PHACTR1: variants seen among roughly 807,000 people sequenced by gnomAD.
The protein encoded by PHACTR1 is phosphatase and actin regulator 1.
A neutral mutation model predicts 69.2 loss-of-function variants in PHACTR1; 16 were observed. The observed-to-expected ratio is 0.23, with a 90% CI of 0.16 to 0.35. The LOEUF (loss-of-function observed/expected upper bound fraction) is 0.35. Ranked by LOEUF, PHACTR1 falls within the 10% of genes least tolerant of loss-of-function variation. The pLI is 1.00. For missense variants in PHACTR1, 510 were observed against 734.7 expected (o/e 0.69, Z 3.54); for synonymous variants, 312 against 284.5 (o/e 1.10, Z -0.97).
intron 8 of PHACTR1, among the ~76,000 whole-genome samples, chr6:13,218,762 T>C (rs1188142093): frequency 1.4e-5 from 2 of 147,172 alleles, no homozygotes; most frequent in Middle Eastern, 3.2e-3. Context: ...AAGGTTGCAA[T>C]GAGCTATTTA....
At chr6:12,862,190 A>G (rs1280043015) in intron 4 of PHACTR1, among the ~76,000 whole-genome samples, 1 of 152,228 alleles carries the variant, frequency 6.6e-6, no homozygotes, top group East Asian at 1.9e-4. Flanking sequence ...GGCTGACTGT[A>G]AAGCAGCCAA....
intron 4 of PHACTR1, among the ~76,000 whole-genome samples, chr6:12,970,037 T>C (rs1793996802): frequency 6.6e-6 from 1 of 152,200 alleles, no homozygotes; most frequent in East Asian, 1.9e-4. Context: ...GTCTCTAGCA[T>C]AAAATAAATG....
rs967656056 is a variant in PHACTR1, at chr6:13,272,702, TGAG to T, written c.1392-153_1392-151del. The T allele has an allele frequency of 2.6e-5, 41 of 1,570,642 alleles. No homozygotes were observed. In the African/African-American group the frequency reaches 3.1e-4, roughly 12 times the overall value. On this transcript the variant is annotated intron_variant, in intron 10 of 14. Transcript: ENST00000332995. The stretch of plus-strand genomic sequence containing the variant: ...TCTCCTGGGCTTGAAATTGAGGAAC[TGAG>T]GAGGCGGTGGTGGCGAGAGTCAGTC...
chr6:12,733,022 A>T (rs1397050856), intron 3 of PHACTR1, among the ~76,000 whole-genome samples: 1 of 152,210 alleles, frequency 6.6e-6, no homozygotes, highest in Admixed American at 6.5e-5. Flanking sequence ...ATATCTATGT[A>T]ATCTATATTG....
chr6:12,935,629 G>A (rs1274149910), intron 4 of PHACTR1, among the ~76,000 whole-genome samples: 2 of 84,944 alleles, frequency 2.4e-5, no homozygotes, highest in Non-Finnish European at 6.7e-5. Flanking sequence ...GTATGCCCAC[G>A]TGTGTGTGTG....
chr6:12,730,983 CTTTTTTATTTAT>C (rs2031868929), intron 3 of PHACTR1, among the ~76,000 whole-genome samples: 1 of 122,026 alleles, frequency 8.2e-6, no homozygotes, highest in Non-Finnish European at 1.8e-5. Flanking sequence ...AGAATATTAC[CTTTTTTATTTAT>C]TTATTTATTT....
intron 6 of PHACTR1, among the ~76,000 whole-genome samples, chr6:13,165,903 C>G (rs933766470): frequency 6.6e-6 from 1 of 152,156 alleles, no homozygotes; most frequent in Non-Finnish European, 1.5e-5. Flanking sequence ...CCCTGTAAAT[C>G]AGAGCCTGTC....
intron 4 of PHACTR1, among the ~76,000 whole-genome samples, chr6:13,037,651 C>T (rs1441669456): frequency 6.6e-6 from 1 of 152,106 alleles, no homozygotes; most frequent in African/African-American, 2.4e-5. Context: ...ACATGTCCTT[C>T]TAAGCTGATG....
chr6:13,231,288 A>G (rs370530081), intron 10 of PHACTR1, among the ~76,000 whole-genome samples: 2 of 56,666 alleles, frequency 3.5e-5, no homozygotes, highest in African/African-American at 6.4e-5. Context: ...AGGAAAGAGA[A>G]AGAGAGAGCG....
chr6:13,071,224 C>A (rs1369603773), intron 5 of PHACTR1, among the ~76,000 whole-genome samples: 1 of 151,886 alleles, frequency 6.6e-6, no homozygotes, highest in Admixed American at 6.6e-5. Context: ...GTCAGGAGTT[C>A]GAGACCAGCC....
intron 10 of PHACTR1, among the ~76,000 whole-genome samples, chr6:13,258,992 G>A (rs1379882402): frequency 6.6e-6 from 1 of 152,220 alleles, no homozygotes; most frequent in African/African-American, 2.4e-5. Context: ...GGGATGGTTG[G>A]AGGAGTTAAG....
chr6:12,875,656 T>C (rs1412745), intron 4 of PHACTR1, among the ~76,000 whole-genome samples: 149,177 of 152,296 alleles, frequency 0.98, 73,146 homozygotes, highest in East Asian at 1. Flanking sequence ...TATTTTCTGC[T>C]GTAACATTTG....
intron 10 of PHACTR1, among the ~76,000 whole-genome samples, chr6:13,238,976 G>A (rs1036665484): frequency 6.6e-6 from 1 of 152,216 alleles, no homozygotes; most frequent in Non-Finnish European, 1.5e-5. Flanking sequence ...TGTAGGCCTA[G>A]CCCTTGAGGT....
rs1479012855 is a variant in PHACTR1, at chr6:13,283,785, T to C, written c.1650+223T>C. ...AAGGCACATAATACTGTGCCCATTT[T>C]ACAGGAGGAGGAGCAGCAGCCTGGG... On this transcript the variant is annotated intron_variant, in intron 13 of 14. Transcript: ENST00000332995. The surrounding 1 kb of genome is among the most constrained non-coding windows in gnomAD (Gnocchi z 4.7). The C allele has an allele frequency of 1.7e-6, 1 of 599,312 alleles. No individual in the cohort carries two copies. Among genetic ancestry groups the C allele is most frequent in the African/African-American group, 1.9e-5 (1 of 53,644 alleles). The allele number at this position is 599,312 out of a possible 1,614,324, so 37.1% of individuals were successfully genotyped here.
In PHACTR1 at chr6:12,854,008, G is replaced by A. The variant is rs111933828; in HGVS notation, c.250+104218G>A. Reference sequence around the variant, plus strand: ...CAAAAGCAGAAACAAAGACATATAGGCGTTGTCAATACGTATAGGTGGAAC... The same window carrying A: ...CAAAAGCAGAAACAAAGACATATAGACGTTGTCAATACGTATAGGTGGAAC... On this transcript the variant is annotated intron_variant, in intron 4 of 14. Transcript: ENST00000332995. 9.5e-3 allele frequency among the ~76,000 whole-genome samples: 1,441 copies of A among 152,222 alleles called. 21 individuals are homozygous for A. Among genetic ancestry groups the A allele is most frequent in the African/African-American group, 0.033 (1,364 of 41,554 alleles).
chr6:12,723,572 T>C lies in PHACTR1; in HGVS notation c.103+4725T>C, dbSNP rs183226851. 1.7e-3 allele frequency among the ~76,000 whole-genome samples: 254 copies of C among 150,140 alleles called. 1 individual carries two copies. The highest frequency in any genetic ancestry group is 5.6e-3 in the African/African-American group (229 of 40,852). Reference sequence around the variant, plus strand: ...GTACAGTGACAGGATCATAGCTCACTGCAGCCTCAAACGCCTGGGCTCAAG... The same window carrying C: ...GTACAGTGACAGGATCATAGCTCACCGCAGCCTCAAACGCCTGGGCTCAAG... On this transcript the variant is annotated intron_variant, in intron 3 of 14. Transcript: ENST00000332995.
chr6:12,728,706 C>T (rs1001685738), intron 3 of PHACTR1, among the ~76,000 whole-genome samples: 3 of 152,090 alleles, frequency 2.0e-5, no homozygotes, highest in Non-Finnish European at 4.4e-5. Flanking sequence ...ATATAATTTT[C>T]AGGTAATATG....
rs375774811 is a variant in PHACTR1, at chr6:13,227,898, A to G, written c.1069A>G (p.Met357Val). Residue 357 changes from methionine (M) to valine (V), a missense_variant, in exon 9 of 15, where the codon ATG becomes GTG. Around this residue, in one of 2 missense-constraint regions of PHACTR1, gnomAD observed 419 missense variants for 530.9 expected, o/e 0.79. Coordinates refer to ENST00000332995, the MANE Select transcript of PHACTR1 (RefSeq NM_030948.6). Reference sequence around the variant, plus strand: ...TGATGGGGTCACCAAAGCAGGACCTATGGGCCTTCCAGAAATAAGACAAGT... The same window carrying G: ...TGATGGGGTCACCAAAGCAGGACCTGTGGGCCTTCCAGAAATAAGACAAGT... ...SGDGVTKAGP[M>V]GLPEIRQVPT... is the part of the protein sequence containing the mutation. 86 of 1,613,914 alleles carry G rather than the reference A, an allele frequency of 5.3e-5. No individual in the cohort carries two copies. Among genetic ancestry groups the G allele is most frequent in the African/African-American group, 4.0e-4 (30 of 74,924 alleles).
intron 5 of PHACTR1, among the ~76,000 whole-genome samples, chr6:13,058,030 T>C (rs1807067079): frequency 6.6e-6 from 1 of 152,154 alleles, no homozygotes. Context: ...CTCACATGCC[T>C]TTCAGTCTGC....
Sources: gnomAD v4.1 joint callset for allele counts (sites outside exome capture counted in the v4.1 genomes callset) on GRCh38, gnomAD v4.1.1 for gene constraint, gnomAD v4.1.1 regional missense constraint, Gnocchi (gnomAD v3.1) non-coding constraint, MANE v1.5 for transcripts, NCBI Gene and HGNC (gene_info 2026-07-23, HGNC 2026-07-21) for gene names.